Variants in REL observed in about 807,000 individuals in gnomAD.
REL encodes proto-oncogene c-Rel.
Under a neutral mutation model 45.9 loss-of-function variants are expected in REL, and 15 were observed. That is an observed-to-expected ratio of 0.33 (90% CI 0.22 to 0.50). REL has a LOEUF of 0.50. REL is among the 20% of genes least tolerant of loss of function. The probability of loss-of-function intolerance (pLI) is 0.98; values close to 1 mark genes in which losing one functional copy is unlikely to be tolerated. For missense variants in REL, 601 were observed against 715.2 expected (o/e 0.84, Z 1.82); for synonymous variants, 239 against 242.1 (o/e 0.99, Z 0.12).
chr2:60,892,791 G>C (rs1005881605), intron 2 of REL, among the ~76,000 whole-genome samples: 2 of 151,798 alleles, frequency 1.3e-5, no homozygotes, highest in African/African-American at 2.4e-5. Context: ...GTCTCACTCT[G>C]TTGCCCAGGC....
chr2:60,926,264 A>G lies in REL; in HGVS notation c.*3729A>G, dbSNP rs1182240310. 1 of 231,424 alleles carries G rather than the reference A, an allele frequency of 4.3e-6. No individual in the cohort carries two copies. 14.3% of individuals were successfully genotyped at this position (231,424 alleles called of 1,614,324 possible). On this transcript the variant is annotated 3_prime_UTR_variant, in exon 10 of 10. Coordinates refer to ENST00000394479, the MANE Select transcript of REL (RefSeq NM_001291746.2). ...GGAAAGACCAAATAAAACCTTTCCT[A>G]CCACTTGGATGCATTTGCATCCTGA...
rs759052018 is a variant in REL, at chr2:60,917,047, TCTTAA to T, written c.535+34_535+38del. 133 of 1,568,246 alleles carry T rather than the reference TCTTAA, an allele frequency of 8.5e-5. 1 individual carries two copies. Among genetic ancestry groups the T allele is most frequent in the Non-Finnish European group, 9.2e-5 (106 of 1,153,816 alleles). On this transcript the variant is annotated intron_variant, in intron 5 of 9. Transcript: ENST00000394479. ...GTACTTCATTTTCTTATATTTGTAG[TCTTAA>T]CTTGTTTTTTGTAATAGTTTAATTC...
Position 60,881,800 on chromosome 2 carries a change from A to T in REL, c.-41A>T. 1 of 1,528,126 alleles carries T rather than the reference A, an allele frequency of 6.5e-7. No individual in the cohort carries two copies. The highest frequency in any genetic ancestry group is 1.2e-5 in the South Asian group (1 of 83,518). 94.7% of individuals were successfully genotyped at this position (1,528,126 alleles called of 1,614,324 possible). A position where few individuals can be genotyped will look rare whatever the true frequency, so the allele number is the denominator to read the frequency against. On this transcript the variant is annotated 5_prime_UTR_variant, in exon 1 of 10. Transcript: ENST00000394479. ...CTGACTGCGGCCGCCTCCGGCCAGGACGCTGGGAGCTGCCTGCGGGAAGGT... is the reference window on the plus strand; with the variant it reads ...CTGACTGCGGCCGCCTCCGGCCAGGTCGCTGGGAGCTGCCTGCGGGAAGGT...
In REL at chr2:60,881,608, C is replaced by T. The variant is rs1024348048; in HGVS notation, c.-233C>T. ...TCCCCGCTCCGCCCCCTGCCCCTGG[C>T]TCCCGTACGGTGGACGGCGACGCTG... On this transcript the variant is annotated 5_prime_UTR_variant, in exon 1 of 10. Transcript: ENST00000394479. 8.5e-5 allele frequency: 44 copies of T among 515,332 alleles called. No individual in the cohort carries two copies. The highest frequency in any genetic ancestry group is 1.8e-4 in the African/African-American group (9 of 49,216). The allele number at this position is 515,332 out of a possible 1,614,324, so 31.9% of individuals were successfully genotyped here.
rs1350591089 is a variant in REL, at chr2:60,926,962, C to G, written c.*4427C>G. 4.4e-5 allele frequency: 10 copies of G among 226,690 alleles called. No homozygotes were observed. The highest frequency in any genetic ancestry group is 8.8e-5 in the Non-Finnish European group (10 of 113,882). 14.0% of individuals were successfully genotyped at this position (226,690 alleles called of 1,614,324 possible). The stretch of plus-strand genomic sequence containing the variant: ...GCATTCCTTGAAAAAAAACAATTCT[C>G]TCAGGCCTCCATACCTTTAGCATGT... On this transcript the variant is annotated 3_prime_UTR_variant, in exon 10 of 10. Transcript: ENST00000394479.
intron 1 of REL, among the ~76,000 whole-genome samples, chr2:60,886,013 A>G (rs1673062988): frequency 6.6e-6 from 1 of 152,212 alleles, no homozygotes; most frequent in East Asian, 1.9e-4. Context: ...AGTAGCCAGA[A>G]TTGCTTTGCC....
intron 1 of REL, among the ~76,000 whole-genome samples, chr2:60,882,337 C>T (rs1382653909): frequency 2.0e-5 from 3 of 152,152 alleles, no homozygotes; most frequent in Non-Finnish European, 4.4e-5. Flanking sequence ...GGTATTTTAA[C>T]ACGAATTAGA....
chr2:60,891,617 T>A, intron 1 of REL, 66 bp from the exon 2 acceptor site: 1 of 1,331,188 alleles, frequency 7.5e-7, no homozygotes, highest in South Asian at 1.6e-5. Flanking sequence ...AAAAACAGAA[T>A]GTTAAAATCC....
intron 8 of REL, 133 bp downstream of exon 8, chr2:60,920,242 C>A (rs138284410): frequency 1.3e-6 from 1 of 750,478 alleles, no homozygotes; most frequent in Non-Finnish European, 2.2e-6. Flanking sequence ...CTCTCTGTCA[C>A]CCAGGCTGGA....
In REL at chr2:60,891,657, C is replaced by A. The variant is rs747565467; in HGVS notation, c.11-26C>A. The A allele has an allele frequency of 5.7e-6, 9 of 1,567,172 alleles. No homozygotes were observed. The South Asian group carries it at 7.0e-5, about 12-fold the overall frequency. On this transcript the variant is annotated intron_variant, in intron 1 of 9. Coordinates refer to ENST00000394479, the MANE Select transcript of REL (RefSeq NM_001291746.2). ...TTAATTGCTATATTAATCTCACTGA[C>A]CTCCTCCTTTTTAAAAACTTTTCAG...
intron 4 of REL, among the ~76,000 whole-genome samples, chr2:60,904,318 C>T (rs1431573130): frequency 1.3e-5 from 2 of 151,816 alleles, no homozygotes; most frequent in Non-Finnish European, 2.9e-5. Context: ...AGGAGATTCG[C>T]TTGAACCCAG....
intron 1 of REL, among the ~76,000 whole-genome samples, chr2:60,883,316 A>G (rs559225557): frequency 6.6e-6 from 1 of 152,256 alleles, no homozygotes; most frequent in Non-Finnish European, 1.5e-5. Context: ...TGCTGTAGGC[A>G]GAAAAGGAAA....
chr2:60,895,158 C>T (rs1025422166), intron 3 of REL, among the ~76,000 whole-genome samples: 12 of 151,714 alleles, frequency 7.9e-5, no homozygotes, highest in African/African-American at 2.9e-4. Flanking sequence ...CGTGCCTAGC[C>T]TCTGTCTTTT....
At chr2:60,896,039 G>A (rs1673338343) in intron 3 of REL, among the ~76,000 whole-genome samples, 1 of 148,340 alleles carries the variant, frequency 6.7e-6, no homozygotes, top group African/African-American at 2.5e-5. Context: ...GTCTTGCTTT[G>A]TTGCCCAGGC....
intron 4 of REL, 59 bp downstream of exon 4, chr2:60,901,142 T>C: frequency 2.9e-6 from 4 of 1,381,880 alleles, no homozygotes; most frequent in African/African-American, 1.6e-5. Context: ...TGTTTCTTTT[T>C]TCTTTCTCTT....
intron 3 of REL, 37 bp downstream of exon 3, chr2:60,894,582 TA>T: frequency 6.7e-7 from 1 of 1,493,888 alleles, no homozygotes; most frequent in Non-Finnish European, 9.0e-7. Context: ...AGAAATAAGA[TA>T]AGACATAGGA....
chr2:60,889,409 T>C (rs778193099), intron 1 of REL, among the ~76,000 whole-genome samples: 7 of 152,204 alleles, frequency 4.6e-5, no homozygotes, highest in Non-Finnish European at 1.0e-4. Flanking sequence ...CACCATAGTA[T>C]CACTAAATCA....
intron 1 of REL, among the ~76,000 whole-genome samples, chr2:60,889,078 A>G (rs898662424): frequency 5.9e-5 from 9 of 152,166 alleles, no homozygotes; most frequent in Admixed American, 3.9e-4. Flanking sequence ...TGAAATCCAC[A>G]TTGCCAAGTG....
intron 9 of REL, 113 bp downstream of exon 9, chr2:60,920,755 C>G (rs952381890): frequency 1.7e-5 from 11 of 648,054 alleles, no homozygotes; most frequent in African/African-American, 1.3e-4. Context: ...AATTTTCTCT[C>G]CAGATTTTTC....
Sources: gnomAD v4.1 joint callset for allele counts (sites outside exome capture counted in the v4.1 genomes callset) on GRCh38, gnomAD v4.1.1 for gene constraint, MANE v1.5 for transcripts, NCBI Gene and HGNC (gene_info 2026-07-23, HGNC 2026-07-21) for gene names.